Variants in RFX7 observed in about 807,000 individuals in gnomAD.
RFX7 encodes the protein DNA-binding protein RFX7.
In RFX7, 26 loss-of-function variants were observed where a neutral mutation model predicts 111.8. That is an observed-to-expected ratio of 0.23 (90% CI 0.17 to 0.32). The LOEUF (loss-of-function observed/expected upper bound fraction) is 0.32. RFX7 is among the 10% of genes least tolerant of loss of function. RFX7 has a pLI of 1.00. For synonymous variants in RFX7, 624 were observed against 624.4 expected (o/e 1.00, Z 0.01); for missense variants, 1,573 against 1,772.9 (o/e 0.89, Z 2.02).
At chr15:56,232,395 C>A (rs1305503057) in intron 2 of RFX7, among the ~76,000 whole-genome samples, 1 of 152,294 alleles carries the variant, frequency 6.6e-6, no homozygotes, top group African/African-American at 2.4e-5. Context: ...TTGCAAAGAG[C>A]AGGGAGGCCC....
chr15:56,103,360 A>T (rs1319349394), intron 6 of RFX7, among the ~76,000 whole-genome samples, 194 bp downstream of exon 6: 1 of 152,190 alleles, frequency 6.6e-6, no homozygotes, highest in Admixed American at 6.5e-5. Flanking sequence ...TGAATAAACC[A>T]TTATTTGCTA....
intron 2 of RFX7, among the ~76,000 whole-genome samples, chr15:56,182,033 CT>C (rs1421099364): frequency 1.3e-5 from 2 of 152,020 alleles, no homozygotes; most frequent in African/African-American, 4.8e-5. Context: ...TGATCTGTCA[CT>C]GTCTCCCATT....
chr15:56,213,216 T>C (rs964784801), intron 2 of RFX7, among the ~76,000 whole-genome samples: 1 of 152,332 alleles, frequency 6.6e-6, no homozygotes, highest in South Asian at 2.1e-4. Context: ...ATGCAGATTA[T>C]GTTCACATAA....
At position 56,098,070 on chromosome 15, in the gene RFX7, A is replaced by C; in HGVS notation, c.1107+11T>G. On this transcript the variant is annotated intron_variant, in intron 9 of 9. Transcript: ENST00000559447. ...ATCCCAATAAGGCCAAATACTATTT[A>C]ATTATATTACCGGAATGGGACTAGG... is the stretch of plus-strand genomic sequence containing the variant. The C allele has an allele frequency of 6.2e-7, 1 of 1,609,458 alleles. No homozygotes were observed. The highest frequency in any genetic ancestry group is 8.5e-7 in the Non-Finnish European group (1 of 1,177,468).
rs549120505 is a variant in RFX7 at position 56,159,828 on chromosome 15, T to G, written c.196-15345A>C. 2.6e-5 allele frequency among the ~76,000 whole-genome samples: 4 copies of G among 152,158 alleles called. No homozygotes were observed. The South Asian group carries it at 8.3e-4, about 31-fold the overall frequency. On this transcript the variant is annotated intron_variant, in intron 3 of 9. Transcript: ENST00000559447. Reference sequence around the variant, plus strand: ...CTTATTACCAGAACTTAAAGACCTTTAAGCAGATGGTAAGGAACTATGTTT... The same window carrying G: ...CTTATTACCAGAACTTAAAGACCTTGAAGCAGATGGTAAGGAACTATGTTT...
At chr15:56,166,063 C>T (rs536891348) in intron 3 of RFX7, among the ~76,000 whole-genome samples, 16 of 152,080 alleles carry the variant, frequency 1.1e-4, no homozygotes, top group Non-Finnish European at 2.2e-4. Context: ...CCATCATGCC[C>T]AGCTGATTTT....
chr15:56,161,015 T>C (rs1260651179), intron 3 of RFX7, among the ~76,000 whole-genome samples: 2 of 152,112 alleles, frequency 1.3e-5, no homozygotes, highest in East Asian at 1.9e-4. Flanking sequence ...TGCCCTTTTA[T>C]TTATAAACCT....
At chr15:56,166,108 C>T (rs1337532920) in intron 3 of RFX7, among the ~76,000 whole-genome samples, 1 of 152,156 alleles carries the variant, frequency 6.6e-6, no homozygotes, top group Non-Finnish European at 1.5e-5. Context: ...CCCTATATTG[C>T]TCAGGCTAGT....
At chr15:56,115,352 T>A (rs1366676534) in intron 5 of RFX7, among the ~76,000 whole-genome samples, 4 of 152,198 alleles carry the variant, frequency 2.6e-5, no homozygotes, top group Non-Finnish European at 4.4e-5. Context: ...TATTCTTTTT[T>A]TATTGTATGA....
chr15:56,199,113 A>C (rs759162667), intron 2 of RFX7, among the ~76,000 whole-genome samples: 2 of 152,142 alleles, frequency 1.3e-5, no homozygotes, highest in African/African-American at 2.4e-5. Flanking sequence ...ACACCTAAAA[A>C]CCTTCTGATG....
chr15:56,195,554 G>T (rs1186861385), intron 2 of RFX7, among the ~76,000 whole-genome samples: 1 of 152,032 alleles, frequency 6.6e-6, no homozygotes, highest in African/African-American at 2.4e-5. Flanking sequence ...CTTAGTACTT[G>T]CCTGCTCTTA....
At position 56,094,799 on chromosome 15, in the gene RFX7, G is replaced by C. The variant is rs778638042; in HGVS notation, c.2929C>G (p.Arg977Gly). Residue 977 changes from arginine (R) to glycine (G), a missense_variant, in exon 10 of 10, where the codon CGG (arginine) becomes GGG (glycine). Arg to Gly is a moderately radical substitution (Grantham distance 125). Transcript: ENST00000559447. ...GCTAGCCTGGAGCAAGGGCTCTCCCGTGACAGACTCTGAGATCCAGCAATC... is the reference window on the plus strand; with the variant it reads ...GCTAGCCTGGAGCAAGGGCTCTCCCCTGACAGACTCTGAGATCCAGCAATC... ...EMIAGSQSLS[R>G]ESPCSRLAQT... 2.5e-6 allele frequency: 4 copies of C among 1,597,720 alleles called. No homozygotes were observed. The highest frequency in any genetic ancestry group is 2.3e-5 in the South Asian group (2 of 88,590).
intron 2 of RFX7, among the ~76,000 whole-genome samples, chr15:56,205,252 A>T (rs949461798): frequency 2.0e-5 from 3 of 152,188 alleles, no homozygotes; most frequent in Non-Finnish European, 4.4e-5. Flanking sequence ...CAGGAAACTC[A>T]AGTTTTGCCA....
At chr15:56,131,534 CAGGCATG>C (rs142479520) in intron 5 of RFX7, among the ~76,000 whole-genome samples, 19,710 of 152,124 alleles carry the variant, frequency 0.13, 1,625 homozygotes, top group East Asian at 0.43. Flanking sequence ...GTTGGGATTA[CAGGCATG>C]AGACACTGTG....
At chr15:56,121,749 A>C (rs1467786685) in intron 5 of RFX7, among the ~76,000 whole-genome samples, 2 of 151,908 alleles carry the variant, frequency 1.3e-5, no homozygotes, top group Non-Finnish European at 2.9e-5. Flanking sequence ...CTGACTGTGT[A>C]TGTTCAAATA....
intron 3 of RFX7, among the ~76,000 whole-genome samples, chr15:56,147,691 A>C (rs371166711): frequency 2.4e-4 from 36 of 151,980 alleles, no homozygotes; most frequent in Middle Eastern, 3.4e-3. Context: ...CTCCTGACTC[A>C]GCCTTCCGAG....
At chr15:56,116,335 T>C (rs765732733) in intron 5 of RFX7, among the ~76,000 whole-genome samples, 5 of 152,218 alleles carry the variant, frequency 3.3e-5, no homozygotes, top group Non-Finnish European at 7.3e-5. Flanking sequence ...AAATAAGTGG[T>C]TCTTTACTGA....
At chr15:56,216,863 C>A (rs1304151362) in intron 2 of RFX7, among the ~76,000 whole-genome samples, 2 of 149,836 alleles carry the variant, frequency 1.3e-5, no homozygotes, top group African/African-American at 4.9e-5. Context: ...CGCTATGTTG[C>A]CCAGACTGGT....
chr15:56,135,562 G>C (rs1567021762), intron 5 of RFX7, among the ~76,000 whole-genome samples: 1 of 151,502 alleles, frequency 6.6e-6, no homozygotes, highest in Non-Finnish European at 1.5e-5. Context: ...CCATTCTGTA[G>C]GTTGCCTGTT....
Sources: allele counts gnomAD v4.1 joint callset (sites outside exome capture counted in the v4.1 genomes callset), GRCh38; gene constraint gnomAD v4.1.1; transcripts MANE v1.5; gene names NCBI Gene and HGNC (gene_info 2026-07-23, HGNC 2026-07-21).